Variants in SH3BGR observed in about 807,000 individuals in gnomAD.
The protein encoded by SH3BGR is SH3 domain binding glutamate rich protein.
SH3BGR carries 29 observed loss-of-function variants against 24.5 expected under a neutral mutation model. The observed-to-expected ratio is 1.18, with a 90% CI of 0.88 to 1.61. The LOEUF (loss-of-function observed/expected upper bound fraction) is 1.61, where lower values mean the gene tolerates loss of function less well. Among genes scored for constraint, SH3BGR ranks in the 40% most tolerant of loss-of-function variants. The pLI is 0.00. For missense variants in SH3BGR, 162 were observed against 205.8 expected, an observed-to-expected ratio of 0.79 and a Z score of 1.30; for synonymous variants, 55 against 65.7, an observed-to-expected ratio of 0.84 and a Z score of 0.79.
chr21:39,508,757 TCAAGTG>T (rs2078625373), intron 4 of SH3BGR, among the ~76,000 whole-genome samples: 2 of 152,210 alleles, frequency 1.3e-5, no homozygotes, highest in African/African-American at 4.8e-5. Flanking sequence ...TCTCAGGAGT[TCAAGTG>T]ATGGGAAACG....
intron 3 of SH3BGR, among the ~76,000 whole-genome samples, chr21:39,488,955 C>G (rs2078254877): frequency 6.6e-6 from 1 of 152,142 alleles, no homozygotes; most frequent in South Asian, 2.1e-4. Context: ...TCTCTGTTCC[C>G]CCCAACCCAA....
chr21:39,497,800 A>T (rs2078424611), intron 3 of SH3BGR, among the ~76,000 whole-genome samples: 1 of 152,240 alleles, frequency 6.6e-6, no homozygotes, highest in Admixed American at 6.5e-5. Context: ...TCTTCTCAAC[A>T]TATTGGTAAA....
Position 39,514,275 on chromosome 21 carries a change from TAGAC to T in SH3BGR, c.*35-809_*35-806del, listed in dbSNP as rs1345645217. Among the ~76,000 whole-genome samples the T allele has an allele frequency of 2.6e-5, 4 of 152,370 alleles. No individual in the cohort carries two copies. In the South Asian group the frequency reaches 6.2e-4, roughly 24 times the overall value. On this transcript the variant is annotated intron_variant, in intron 6 of 6. Transcript: ENST00000333634. ...TGCATTTTATTTGAAAAGACGATTT[TAGAC>T]AGAACAAGGCAATGAATGGAACTAT...
intron 1 of SH3BGR, among the ~76,000 whole-genome samples, chr21:39,460,541 C>T (rs1486278216): frequency 6.6e-6 from 1 of 151,820 alleles, no homozygotes; most frequent in East Asian, 1.9e-4. Flanking sequence ...GAGTGCAGGG[C>T]TTACTGCAAC....
At chr21:39,470,810 A>G (rs1602098648) in intron 2 of SH3BGR, among the ~76,000 whole-genome samples, 2 of 151,882 alleles carry the variant, frequency 1.3e-5, no homozygotes, top group African/African-American at 2.4e-5. Context: ...AATACATCCT[A>G]TAAGTTTCTT....
At chr21:39,461,231 G>C (rs78472238) in intron 1 of SH3BGR, among the ~76,000 whole-genome samples, 5,545 of 151,620 alleles carry the variant, frequency 0.037, 149 homozygotes, top group Non-Finnish European at 0.055. Context: ...CCACCTCCTG[G>C]GTTCAAGCGA....
intron 3 of SH3BGR, among the ~76,000 whole-genome samples, chr21:39,490,257 A>G (rs1326610343): frequency 6.6e-6 from 1 of 152,232 alleles, no homozygotes; most frequent in Non-Finnish European, 1.5e-5. Context: ...CAGCAATAGT[A>G]AGGAAAGGGA....
intron 3 of SH3BGR, among the ~76,000 whole-genome samples, chr21:39,490,099 T>A (rs987638133): frequency 2.0e-4 from 31 of 152,338 alleles, no homozygotes; most frequent in African/African-American, 7.2e-4. Flanking sequence ...ATTGTGTAAC[T>A]GTGAATGTTA....
In SH3BGR at chr21:39,452,392, CAT is replaced by C. The variant is rs559263325; in HGVS notation, c.45+252_45+253del. 1.3e-3 allele frequency among the ~76,000 whole-genome samples: 194 copies of C among 152,274 alleles called. 3 individuals are homozygous for C. The South Asian group carries it at 0.018, about 14-fold the overall frequency. Reference sequence around the variant, plus strand: ...GCGTGCTTGACACTAGAATTTTTAACATGTGATTTGTGTTGTGTTGCCTTGTG... The same window carrying C: ...GCGTGCTTGACACTAGAATTTTTAACGTGATTTGTGTTGTGTTGCCTTGTG... On this transcript the variant is annotated intron_variant, in intron 1 of 6. Transcript: ENST00000333634.
intron 1 of SH3BGR, among the ~76,000 whole-genome samples, chr21:39,458,472 G>C (rs2077701124): frequency 6.6e-6 from 1 of 151,802 alleles, no homozygotes; most frequent in Admixed American, 6.6e-5. Context: ...CTGAGTAGCG[G>C]GATTACAGAT....
intron 5 of SH3BGR, among the ~76,000 whole-genome samples, chr21:39,510,462 T>TACACACAC (rs148597054): frequency 6.2e-5 from 7 of 112,414 alleles, no homozygotes; most frequent in African/African-American, 2.2e-4. Flanking sequence ...ACACTGTAGC[T>TACACACAC]ACACACACAC....
At chr21:39,471,072 T>TC (rs1390928121) in intron 2 of SH3BGR, among the ~76,000 whole-genome samples, 1 of 152,218 alleles carries the variant, frequency 6.6e-6, no homozygotes, top group Non-Finnish European at 1.5e-5. Flanking sequence ...CTTTGTTTTT[T>TC]CCTTTTTCTT....
At chr21:39,496,812 T>G (rs1007858997) in intron 3 of SH3BGR, among the ~76,000 whole-genome samples, 3 of 152,134 alleles carry the variant, frequency 2.0e-5, no homozygotes, top group African/African-American at 7.2e-5. Context: ...AATTTTATTC[T>G]GAAGGACACT....
chr21:39,481,179 T>C (rs2078124443), intron 3 of SH3BGR, among the ~76,000 whole-genome samples: 1 of 152,132 alleles, frequency 6.6e-6, no homozygotes, highest in African/African-American at 2.4e-5. Flanking sequence ...AAGAACAAAC[T>C]CTTAGCCAGG....
rs539459096 is a variant in SH3BGR at position 39,475,654 on chromosome 21, T to G, written c.312+439T>G. Among the ~76,000 whole-genome samples, 25 of 152,346 alleles carry G rather than the reference T, an allele frequency of 1.6e-4. 1 individual carries two copies. In the South Asian group the frequency reaches 4.3e-3, roughly 27 times the overall value. Reference sequence around the variant, plus strand: ...AAATGAACCAAACTACATTTTGGTCTCATAAAAATGGGACAGGTAAGATCT... The same window carrying G: ...AAATGAACCAAACTACATTTTGGTCGCATAAAAATGGGACAGGTAAGATCT... On this transcript the variant is annotated intron_variant, in intron 3 of 6. Coordinates refer to ENST00000333634, the MANE Select transcript of SH3BGR (RefSeq NM_007341.3).
intron 3 of SH3BGR, among the ~76,000 whole-genome samples, chr21:39,477,346 G>A (rs1338003738): frequency 6.6e-6 from 1 of 152,064 alleles, no homozygotes; most frequent in African/African-American, 2.4e-5. Context: ...ATGTTGCCCA[G>A]GCTAGTTTTG....
chr21:39,467,832 C>A (rs569801220), intron 2 of SH3BGR, among the ~76,000 whole-genome samples: 45 of 152,308 alleles, frequency 3.0e-4, no homozygotes, highest in African/African-American at 1.0e-3. Flanking sequence ...CTTCCTGCCC[C>A]TGCCAGTTTG....
intron 3 of SH3BGR, among the ~76,000 whole-genome samples, chr21:39,483,598 G>C (rs1226778711): frequency 2.0e-5 from 3 of 152,166 alleles, no homozygotes; most frequent in Non-Finnish European, 4.4e-5. Flanking sequence ...CCTGAATTTG[G>C]GGGCAAGATT....
At chr21:39,504,758 T>C (rs763172791) in intron 4 of SH3BGR, among the ~76,000 whole-genome samples, 2 of 152,252 alleles carry the variant, frequency 1.3e-5, no homozygotes, top group Non-Finnish European at 2.9e-5. Context: ...TTTACATAGA[T>C]AACTTTTAAG....
Sources: allele counts gnomAD v4.1 joint callset (sites outside exome capture counted in the v4.1 genomes callset), GRCh38; gene constraint gnomAD v4.1.1; transcripts MANE v1.5; gene names NCBI Gene and HGNC (gene_info 2026-07-23, HGNC 2026-07-21).